DNAJC12: variants seen among roughly 807,000 people sequenced by gnomAD.
DNAJC12 encodes dnaJ homolog subfamily C member 12.
In DNAJC12, 25 loss-of-function variants were observed where a neutral mutation model predicts 28.5. That is an observed-to-expected ratio of 0.88 (90% confidence interval 0.64 to 1.22). The LOEUF (loss-of-function observed/expected upper bound fraction) is 1.22. Ranked by LOEUF, DNAJC12 falls within the 50% of genes most tolerant of loss-of-function variation. The pLI is 0.00. For synonymous variants in DNAJC12, 77 were observed against 80.6 expected, an observed-to-expected ratio of 0.95 and a Z score of 0.24; for missense variants, 222 against 231.7, an observed-to-expected ratio of 0.96 and a Z score of 0.27.
chr10:67,811,550 C>T lies in DNAJC12; in HGVS notation c.271G>A (p.Glu91Lys), dbSNP rs751194770. ...SQMSMPFQQW[E>K]ALNDSVKTSM... Reference sequence around the variant, plus strand: ...GTCTTCACTGAGTCATTCAAAGCTTCCCACTGCTGGAATGGCATCGACATC... The same window carrying T: ...GTCTTCACTGAGTCATTCAAAGCTTTCCACTGCTGGAATGGCATCGACATC... Residue 91 changes from glutamate (E) to lysine (K), a missense_variant, in exon 3 of 5, where the codon GAA (glutamate) becomes AAA (lysine). Transcript: ENST00000225171. 3 of 1,614,072 alleles carry T rather than the reference C, an allele frequency of 1.9e-6. No individual in the cohort carries two copies. Among genetic ancestry groups the T allele is most frequent in the East Asian group, 4.5e-5 (2 of 44,890 alleles).
intron 1 of DNAJC12, among the ~76,000 whole-genome samples, chr10:67,827,200 A>T (rs1452025719): frequency 1.3e-5 from 2 of 150,318 alleles, no homozygotes; most frequent in East Asian, 2.0e-4. Context: ...CAGCCTGGCC[A>T]ACATGGTGAA....
intron 4 of DNAJC12, among the ~76,000 whole-genome samples, chr10:67,804,679 A>G (rs1220248402): frequency 6.6e-6 from 1 of 152,198 alleles, no homozygotes; most frequent in African/African-American, 2.4e-5. Context: ...AACTTCTATA[A>G]TACTCTGCTT....
chr10:67,805,639 T>C lies in DNAJC12; in HGVS notation c.446A>G (p.Gln149Arg). The C allele has an allele frequency of 6.2e-7, 1 of 1,613,762 alleles. No individual in the cohort carries two copies. ...CTTCTCTAGGGGCTTGGGTTCTTTC[T>C]GCTCCGTTTTCTCTGCGGTTGAAGC... The part of the protein sequence containing the change: ...ELASTAEKTE[Q>R]KEPKPLEKSV... The change falls in exon 4 of 5, where the codon CAG (glutamine) becomes CGG (arginine). Residue 149 changes from glutamine to arginine, a missense_variant. Transcript: ENST00000225171.
intron 3 of DNAJC12, chr10:67,808,694 A>G (rs1185359331): frequency 6.6e-6 from 1 of 152,190 alleles, no homozygotes; most frequent in African/African-American, 2.4e-5. Context: ...TTTTAAATCC[A>G]TGGACTCAGA....
chr10:67,800,047 A>T (rs1408868597), intron 4 of DNAJC12, among the ~76,000 whole-genome samples: 1 of 151,826 alleles, frequency 6.6e-6, no homozygotes, highest in African/African-American at 2.4e-5. Flanking sequence ...CCTGGGCAAC[A>T]TGGCGAAACC....
chr10:67,817,778 T>TGAGGCAAGAGAGTCACTTAAACCCAG (rs1363657616), intron 2 of DNAJC12, among the ~76,000 whole-genome samples: 2 of 151,954 alleles, frequency 1.3e-5, no homozygotes, highest in Non-Finnish European at 2.9e-5. Context: ...CTCAAGAGGC[T>TGAGGCAAGAGAGTCACTTAAACCCAG]GAGGCAAGAG....
At chr10:67,807,736 C>T (rs1252983598) in intron 3 of DNAJC12, among the ~76,000 whole-genome samples, 2 of 152,168 alleles carry the variant, frequency 1.3e-5, no homozygotes, top group Non-Finnish European at 2.9e-5. Context: ...GATCTCTGTG[C>T]CTCAGTACTT....
chr10:67,809,075 T>C (rs1216197075), intron 3 of DNAJC12, among the ~76,000 whole-genome samples: 1 of 152,236 alleles, frequency 6.6e-6, no homozygotes, highest in Admixed American at 6.5e-5. Flanking sequence ...ATTTGTCAAA[T>C]GATCAATTCA....
At chr10:67,826,670 ATT>A in intron 1 of DNAJC12, among the ~76,000 whole-genome samples, 1 of 129,156 alleles carries the variant, frequency 7.7e-6, no homozygotes, top group African/African-American at 2.9e-5. Context: ...TATATATATC[ATT>A]ATATATAAGA....
At chr10:67,819,905 C>A (rs1215168301) in intron 2 of DNAJC12, among the ~76,000 whole-genome samples, 6 of 152,074 alleles carry the variant, frequency 3.9e-5, no homozygotes, top group African/African-American at 1.4e-4. Flanking sequence ...CGACTGTGAA[C>A]AAGACAAGCA....
At chr10:67,833,438 CCTCT>C (rs3084613) in intron 1 of DNAJC12, among the ~76,000 whole-genome samples, 219 of 148,490 alleles carry the variant, frequency 1.5e-3, no homozygotes, top group Middle Eastern at 3.5e-3. Flanking sequence ...TCTCCCTCTC[CCTCT>C]CTCTCTCTCT....
chr10:67,828,418 G>T (rs1842058744), intron 1 of DNAJC12, among the ~76,000 whole-genome samples: 1 of 152,134 alleles, frequency 6.6e-6, no homozygotes, highest in South Asian at 2.1e-4. Flanking sequence ...AAGTCAGGCT[G>T]TATTAGATAG....
At chr10:67,803,759 G>C (rs1483170585) in intron 4 of DNAJC12, among the ~76,000 whole-genome samples, 1 of 152,166 alleles carries the variant, frequency 6.6e-6, no homozygotes, top group Non-Finnish European at 1.5e-5. Context: ...TACATGTAGG[G>C]GAGTGATTGT....
chr10:67,797,056 T>A lies in DNAJC12; in HGVS notation c.*60A>T. ...ACATTTTTAAGACATAAACAAAGAC[T>A]GCATGTTGGCAGCATAGGGGACAGT... On this transcript the variant is annotated 3_prime_UTR_variant, in exon 5 of 5. Coordinates refer to ENST00000225171, the MANE Select transcript of DNAJC12 (RefSeq NM_021800.3). 2 of 1,321,494 alleles carry A rather than the reference T, an allele frequency of 1.5e-6. No homozygotes were observed. The highest frequency in any genetic ancestry group is 2.1e-6 in the Non-Finnish European group (2 of 934,428). The allele number at this position is 1,321,494 out of a possible 1,614,324, so 81.9% of individuals were successfully genotyped here. A position where few individuals can be genotyped will look rare whatever the true frequency, so the allele number is the denominator to read the frequency against.
chr10:67,799,787 G>A (rs1254769738), intron 4 of DNAJC12, among the ~76,000 whole-genome samples: 3 of 151,284 alleles, frequency 2.0e-5, no homozygotes, highest in Admixed American at 6.6e-5. Context: ...GGAGGCTGAG[G>A]CAGGAGAATC....
At chr10:67,819,723 G>GAAGA (rs1841959024) in intron 2 of DNAJC12, among the ~76,000 whole-genome samples, 1 of 23,640 alleles carries the variant, frequency 4.2e-5, no homozygotes, top group African/African-American at 1.6e-4. Context: ...AGGAAGCAAG[G>GAAGA]AAGGAAGGAA....
intron 4 of DNAJC12, among the ~76,000 whole-genome samples, chr10:67,797,910 G>A (rs771668423): frequency 6.6e-6 from 1 of 151,560 alleles, no homozygotes; most frequent in African/African-American, 2.4e-5. Flanking sequence ...CGTGGTGGCG[G>A]GCGCCTGTAC....
intron 1 of DNAJC12, among the ~76,000 whole-genome samples, chr10:67,828,868 TCAGA>T (rs1842063425): frequency 6.6e-6 from 1 of 152,112 alleles, no homozygotes; most frequent in African/African-American, 2.4e-5. Context: ...CACCATCAAC[TCAGA>T]CAGACATCGC....
chr10:67,805,390 AT>A (rs1432139857), intron 4 of DNAJC12, among the ~76,000 whole-genome samples, 192 bp downstream of exon 4: 1 of 152,230 alleles, frequency 6.6e-6, no homozygotes, highest in Admixed American at 6.5e-5. Context: ...GACACTGAGA[AT>A]TGTCTCAAGG....
Sources: allele counts gnomAD v4.1 joint callset (sites outside exome capture counted in the v4.1 genomes callset), GRCh38; gene constraint gnomAD v4.1.1; transcripts MANE v1.5; gene names NCBI Gene and HGNC (gene_info 2026-07-23, HGNC 2026-07-21).